Variants in RBFOX1 observed in about 807,000 individuals in gnomAD.
RBFOX1 encodes RNA binding protein fox-1 homolog 1.
Under a neutral mutation model 57.7 loss-of-function variants are expected in RBFOX1, and 8 were observed. That is an observed-to-expected ratio of 0.14 (90% confidence interval 0.08 to 0.25). RBFOX1 has a LOEUF of 0.25. RBFOX1 is among the 10% of genes least tolerant of loss of function. The pLI, the probability that RBFOX1 is intolerant of heterozygous loss-of-function variation, is 1.00. For synonymous variants in RBFOX1, 326 were observed against 222.4 expected, an observed-to-expected ratio of 1.47 and a Z score of -4.15; for missense variants, 611 against 548.5, an observed-to-expected ratio of 1.11 and a Z score of -1.14.
intron 3 of RBFOX1, among the ~76,000 whole-genome samples, chr16:6,707,280 T>C (rs895677357): frequency 2.6e-5 from 4 of 152,200 alleles, no homozygotes; most frequent in African/African-American, 9.6e-5. Flanking sequence ...TGATCTGTGT[T>C]CTGAAAGTGA....
chr16:7,208,366 G>A (rs919577458), intron 4 of RBFOX1, among the ~76,000 whole-genome samples: 2 of 152,182 alleles, frequency 1.3e-5, no homozygotes, highest in African/African-American at 4.8e-5. Flanking sequence ...GAAAAGAGGG[G>A]TGTTTTGGCT....
chr16:7,026,516 A>C (rs538746368), intron 3 of RBFOX1, among the ~76,000 whole-genome samples: 4 of 150,774 alleles, frequency 2.7e-5, no homozygotes, highest in East Asian at 3.9e-4. Context: ...CTCTGTTTCT[A>C]TCTCTCTCAC....
intron 4 of RBFOX1, among the ~76,000 whole-genome samples, chr16:7,159,603 A>G (rs373789427): frequency 1.3e-5 from 2 of 152,156 alleles, no homozygotes; most frequent in Admixed American, 6.5e-5. Flanking sequence ...CTACTCCGCT[A>G]TAGCTTCAGT....
chr16:5,984,571 A>T (rs1031132602), intron 4 of RBFOX1, among the ~76,000 whole-genome samples: 1 of 152,080 alleles, frequency 6.6e-6, no homozygotes, highest in African/African-American at 2.4e-5. Flanking sequence ...ATCTTATGAG[A>T]GAATAGTAAC....
chr16:6,877,799 C>T (rs1230130819), intron 3 of RBFOX1, among the ~76,000 whole-genome samples: 1 of 151,948 alleles, frequency 6.6e-6, no homozygotes, highest in African/African-American at 2.4e-5. Context: ...TTACATTTTG[C>T]TTGTGTAACT....
chr16:6,746,260 A>C (rs75396728), intron 3 of RBFOX1, among the ~76,000 whole-genome samples: 1 of 152,152 alleles, frequency 6.6e-6, no homozygotes, highest in Admixed American at 6.5e-5. Flanking sequence ...AAACTCCCAA[A>C]CATATTCTAA....
intron 1 of RBFOX1, among the ~76,000 whole-genome samples, chr16:5,316,764 A>G (rs533923817): frequency 6.6e-6 from 1 of 152,274 alleles, no homozygotes; most frequent in South Asian, 2.1e-4. Flanking sequence ...CTGAAAGGGA[A>G]ACCCAGGTGG....
At chr16:5,282,978 G>T (rs1369641638) in intron 1 of RBFOX1, among the ~76,000 whole-genome samples, 1 of 152,164 alleles carries the variant, frequency 6.6e-6, no homozygotes, top group Non-Finnish European at 1.5e-5. Flanking sequence ...AGGAAGAAAA[G>T]ATGGTTTTGT....
intron 2 of RBFOX1, among the ~76,000 whole-genome samples, chr16:5,522,980 A>G (rs1236938884): frequency 2.2e-5 from 2 of 92,866 alleles, no homozygotes; most frequent in African/African-American, 1.1e-4. Context: ...GCTGTTGTGA[A>G]TAAAGTGCTG....
intron 4 of RBFOX1, among the ~76,000 whole-genome samples, chr16:5,937,780 A>G (rs907010001): frequency 9.4e-5 from 14 of 149,246 alleles, no homozygotes; most frequent in East Asian, 1.9e-4. Context: ...TATATAATGT[A>G]TATATAAAAT....
At chr16:6,374,040 A>C (rs529963359) in intron 2 of RBFOX1, among the ~76,000 whole-genome samples, 1 of 152,272 alleles carries the variant, frequency 6.6e-6, no homozygotes, top group Non-Finnish European at 1.5e-5. Context: ...ATTCAGTTTG[A>C]CAGTAAGTCA....
chr16:6,185,268 C>G, intron 1 of RBFOX1, among the ~76,000 whole-genome samples: 1 of 152,298 alleles, frequency 6.6e-6, no homozygotes, highest in East Asian at 1.9e-4. Flanking sequence ...TTACAAAACT[C>G]TGAAATAAAA....
At chr16:5,399,930 G>T (rs1203022734) in intron 1 of RBFOX1, among the ~76,000 whole-genome samples, 4 of 151,838 alleles carry the variant, frequency 2.6e-5, no homozygotes, top group African/African-American at 7.3e-5. Flanking sequence ...AAGAATTCGT[G>T]AACCCAACAA....
At chr16:6,418,525 T>A (rs957345585) in intron 2 of RBFOX1, among the ~76,000 whole-genome samples, 5 of 116,980 alleles carry the variant, frequency 4.3e-5, no homozygotes, top group Non-Finnish European at 5.5e-5. Flanking sequence ...CCTTATTTTT[T>A]TTTTTTTTTT....
chr16:6,856,496 C>T (rs187923772), intron 3 of RBFOX1, among the ~76,000 whole-genome samples: 30 of 152,008 alleles, frequency 2.0e-4, no homozygotes, highest in Non-Finnish European at 2.9e-4. Flanking sequence ...TTATCATTGC[C>T]CTCTAGAAAT....
At chr16:5,853,327 C>T (rs1023202872) in intron 3 of RBFOX1, among the ~76,000 whole-genome samples, 1 of 152,144 alleles carries the variant, frequency 6.6e-6, no homozygotes, top group African/African-American at 2.4e-5. Context: ...GAAGAGATTG[C>T]ACAGTTAAAT....
intron 3 of RBFOX1, among the ~76,000 whole-genome samples, chr16:6,819,856 G>C (rs1274592719): frequency 6.6e-6 from 1 of 151,984 alleles, no homozygotes; most frequent in Non-Finnish European, 1.5e-5. Context: ...TCTGATTCCA[G>C]TGTAACCTAC....
At chr16:7,388,644 C>CTTTTTTTTTT (rs61629644) in intron 4 of RBFOX1, among the ~76,000 whole-genome samples, 6 of 92,620 alleles carry the variant, frequency 6.5e-5, no homozygotes, top group African/African-American at 8.4e-5. Context: ...GTTTCACTTA[C>CTTTTTTTTTT]TTTTTTTTTT....
chr16:5,297,051 A>C (rs767892161), intron 1 of RBFOX1, among the ~76,000 whole-genome samples: 3 of 152,098 alleles, frequency 2.0e-5, no homozygotes, highest in African/African-American at 7.2e-5. Flanking sequence ...TTTGCTTTTC[A>C]TGATGTTCTC....
Sources: allele counts gnomAD v4.1 joint callset (sites outside exome capture counted in the v4.1 genomes callset), GRCh38; gene constraint gnomAD v4.1.1; transcripts MANE v1.5; gene names NCBI Gene and HGNC (gene_info 2026-07-23, HGNC 2026-07-21).